Variants in HIGD1C observed in about 807,000 individuals in gnomAD.
HIGD1C encodes the protein HIG1 domain family member 1C.
HIGD1C carries 11 observed loss-of-function variants against 13.1 expected under a neutral mutation model. That is an observed-to-expected ratio of 0.84 (90% CI 0.53 to 1.39). The LOEUF is 1.39. HIGD1C is among the 40% of genes most tolerant of loss of function. The pLI, the probability that HIGD1C is intolerant of heterozygous loss-of-function variation, is 0.00. For synonymous variants in HIGD1C, 36 were observed against 37.7 expected, an observed-to-expected ratio of 0.95 and a Z score of 0.17; for missense variants, 110 against 112.0, an observed-to-expected ratio of 0.98 and a Z score of 0.08.
the HIGD1C span, among the ~76,000 whole-genome samples, chr12:50,933,923 C>T: frequency 6.6e-6 from 1 of 152,198 alleles, no homozygotes; most frequent in Non-Finnish European, 1.5e-5. Flanking sequence ...CCCGGCATCA[C>T]CTCATTGCAA....
intron 2 of HIGD1C, among the ~76,000 whole-genome samples, chr12:50,964,147 A>T (rs567959241): frequency 6.6e-6 from 1 of 152,138 alleles, no homozygotes; most frequent in Non-Finnish European, 1.5e-5. Flanking sequence ...TGGGGAATAG[A>T]AAAAAATTGG....
upstream of HIGD1C, among the ~76,000 whole-genome samples, chr12:50,950,703 G>C (rs534937093): frequency 3.8e-4 from 47 of 122,140 alleles, no homozygotes; most frequent in Middle Eastern, 0.02. Context: ...TTGAGATGGA[G>C]TCTCATTCTG....
chr12:50,931,922 C>A, the HIGD1C span: 1 of 152,138 alleles, frequency 6.6e-6, no homozygotes, highest in African/African-American at 2.4e-5. Flanking sequence ...CTTAGCGTCA[C>A]TGGTCTGGCT....
chr12:50,960,305 G>A (rs1939277060), intron 1 of HIGD1C, among the ~76,000 whole-genome samples: 1 of 152,198 alleles, frequency 6.6e-6, no homozygotes, highest in African/African-American at 2.4e-5. Context: ...AGGAAGAGAA[G>A]AGTAAAGCCA....
chr12:50,941,995 G>A, the HIGD1C span, among the ~76,000 whole-genome samples: 1 of 151,958 alleles, frequency 6.6e-6, no homozygotes, highest in Non-Finnish European at 1.5e-5. Context: ...CTCAAGGGAT[G>A]CTCCCACCTT....
At chr12:50,939,700 G>A in the HIGD1C span, among the ~76,000 whole-genome samples, 1 of 152,034 alleles carries the variant, frequency 6.6e-6, no homozygotes, top group Non-Finnish European at 1.5e-5. Flanking sequence ...CATCTCCCAG[G>A]ATTCTTATGA....
At chr12:50,945,722 A>G in the HIGD1C span, among the ~76,000 whole-genome samples, 97 of 152,216 alleles carry the variant, frequency 6.4e-4, no homozygotes, top group African/African-American at 2.3e-3. Flanking sequence ...CAGAATTGGG[A>G]AAAACTACTT....
intron 2 of HIGD1C, among the ~76,000 whole-genome samples, chr12:50,968,654 C>T (rs1399833953): frequency 1.3e-5 from 2 of 152,050 alleles, no homozygotes; most frequent in African/African-American, 4.8e-5. Flanking sequence ...TGATTCTCCT[C>T]ACTTTGCCTC....
chr12:50,943,794 G>A, the HIGD1C span, among the ~76,000 whole-genome samples: 1 of 151,916 alleles, frequency 6.6e-6, no homozygotes, highest in Non-Finnish European at 1.5e-5. Context: ...TTTCCAGTGG[G>A]CTCTAATGTT....
chr12:50,954,924 C>T (rs1333800398), intron 1 of HIGD1C, among the ~76,000 whole-genome samples: 3 of 152,006 alleles, frequency 2.0e-5, no homozygotes, highest in Non-Finnish European at 2.9e-5. Context: ...TGCTCAGTGG[C>T]CCTCTGTGCT....
At chr12:50,960,207 T>G (rs777883081) in intron 1 of HIGD1C, among the ~76,000 whole-genome samples, 4 of 152,198 alleles carry the variant, frequency 2.6e-5, no homozygotes, top group Non-Finnish European at 4.4e-5. Flanking sequence ...TTCATACCTT[T>G]TCATCTCTCA....
the HIGD1C span, among the ~76,000 whole-genome samples, chr12:50,938,290 G>T: frequency 6.7e-6 from 1 of 149,646 alleles, no homozygotes; most frequent in Non-Finnish European, 1.5e-5. Context: ...TGTCAGCACC[G>T]CCCTGAGTGC....
At chr12:50,951,000 G>A (rs1053581138), upstream of HIGD1C, among the ~76,000 whole-genome samples, 16 of 151,316 alleles carry the variant, frequency 1.1e-4, no homozygotes, top group Non-Finnish European at 5.9e-5. Context: ...TTTTTTTTAA[G>A]GTGATATATT....
At chr12:50,955,587 A>C (rs1939063370) in intron 1 of HIGD1C, among the ~76,000 whole-genome samples, 1 of 152,208 alleles carries the variant, frequency 6.6e-6, no homozygotes, top group Non-Finnish European at 1.5e-5. Context: ...GGTATGTCAG[A>C]TGTTCCCGTT....
the HIGD1C span, among the ~76,000 whole-genome samples, chr12:50,934,334 T>C: frequency 6.6e-6 from 1 of 152,240 alleles, no homozygotes; most frequent in African/African-American, 2.4e-5. Context: ...GTGTCATTGG[T>C]TGAGTCTGTG....
chr12:50,956,524 T>C (rs542782986), intron 1 of HIGD1C, among the ~76,000 whole-genome samples: 1 of 152,352 alleles, frequency 6.6e-6, no homozygotes, highest in East Asian at 1.9e-4. Context: ...TTTTTGTTGG[T>C]TATCTTAAGC....
intron 1 of HIGD1C, among the ~76,000 whole-genome samples, chr12:50,958,847 T>G (rs1939214238): frequency 6.6e-6 from 1 of 151,266 alleles, no homozygotes; most frequent in Non-Finnish European, 1.5e-5. Context: ...CGAGACATCA[T>G]CTCTACTAAA....
At position 50,962,218 on chromosome 12, in the gene HIGD1C, T is replaced by C. The variant is rs149521272; in HGVS notation, c.229+1116T>C. On this transcript the variant is annotated intron_variant, in intron 2 of 2. Coordinates refer to ENST00000398455, the Ensembl canonical transcript of HIGD1C. Reference sequence around the variant, plus strand: ...CTGGCCAACATGGCAAAACCCCATCTCTACTAAAAAAATTACACACACACA... The same window carrying C: ...CTGGCCAACATGGCAAAACCCCATCCCTACTAAAAAAATTACACACACACA... Among the ~76,000 whole-genome samples, 559 of 147,488 alleles carry C rather than the reference T, an allele frequency of 3.8e-3. 7 individuals are homozygous for C. Among genetic ancestry groups the C allele is most frequent in the African/African-American group, 0.013 (511 of 39,956 alleles).
the HIGD1C span, among the ~76,000 whole-genome samples, chr12:50,944,308 T>A: frequency 3.3e-5 from 5 of 152,184 alleles, no homozygotes; most frequent in Non-Finnish European, 7.4e-5. Flanking sequence ...TCCCCTATAC[T>A]CAAATATTCT....
Sources: gnomAD v4.1 joint callset for allele counts (sites outside exome capture counted in the v4.1 genomes callset) on GRCh38, gnomAD v4.1.1 for gene constraint, MANE v1.5 for transcripts, NCBI Gene and HGNC (gene_info 2026-07-23, HGNC 2026-07-21) for gene names.